The following TBCK variants were observed in gnomAD, a reference collection of about 807,000 sequenced individuals.
TBCK encodes the protein TBC1 domain containing kinase.
TBCK carries 99 observed loss-of-function variants against 113.4 expected under a neutral mutation model. The ratio of observed to expected loss-of-function variants is 0.87; its 90% CI spans 0.74 to 1.03. The LOEUF is 1.03. Among genes scored for constraint, TBCK ranks in the 50% least tolerant of loss-of-function variants. The pLI is 0.00. For missense variants in TBCK, 1,045 were observed against 1,061.3 expected, an observed-to-expected ratio of 0.98 and a Z score of 0.21; for synonymous variants, 369 against 370.8, an observed-to-expected ratio of 1.00 and a Z score of 0.05.
At chr4:106,065,796 G>A (rs1736576445) in intron 25 of TBCK, among the ~76,000 whole-genome samples, 1 of 152,008 alleles carries the variant, frequency 6.6e-6, no homozygotes, top group African/African-American at 2.4e-5. Flanking sequence ...AGGAATAACT[G>A]ACAAGTGGGA....
intron 1 of TBCK, among the ~76,000 whole-genome samples, chr4:106,314,816 G>T (rs1768596362): frequency 6.6e-6 from 1 of 151,464 alleles, no homozygotes; most frequent in Admixed American, 6.6e-5. Context: ...GTAGAGACGG[G>T]GTTTCACCAT....
chr4:106,231,696 C>A, intron 18 of TBCK, 33 bp downstream of exon 18: 1 of 1,572,484 alleles, frequency 6.4e-7, no homozygotes, highest in African/African-American at 1.4e-5. Flanking sequence ...GAATATTATG[C>A]GCAATGATTA....
At chr4:106,258,947 T>G (rs897091509) in intron 5 of TBCK, among the ~76,000 whole-genome samples, 9 of 151,932 alleles carry the variant, frequency 5.9e-5, no homozygotes, top group Non-Finnish European at 1.2e-4. Flanking sequence ...CAAGAATTGG[T>G]TTTTGCCTGT....
chr4:106,185,907 G>A (rs530143730), intron 22 of TBCK, among the ~76,000 whole-genome samples: 2 of 152,074 alleles, frequency 1.3e-5, no homozygotes, highest in South Asian at 2.1e-4. Flanking sequence ...AGTAGGCCCT[G>A]GTGTCTATTG....
At chr4:106,208,530 T>A (rs1755787719) in intron 20 of TBCK, among the ~76,000 whole-genome samples, 2 of 151,844 alleles carry the variant, frequency 1.3e-5, no homozygotes, top group African/African-American at 4.8e-5. Flanking sequence ...TTTTAGGTGG[T>A]GGGAAGACTA....
At chr4:106,125,177 A>T (rs1745030052) in intron 23 of TBCK, among the ~76,000 whole-genome samples, 1 of 152,146 alleles carries the variant, frequency 6.6e-6, no homozygotes, top group African/African-American at 2.4e-5. Context: ...GGTTCCTCAA[A>T]AAACTAAAAG....
chr4:106,122,258 TA>T (rs1264085020), intron 23 of TBCK, among the ~76,000 whole-genome samples: 2 of 151,960 alleles, frequency 1.3e-5, no homozygotes, highest in East Asian at 3.9e-4. Context: ...TCTACGCAAA[TA>T]AACTAGAAAA....
At chr4:106,067,295 C>T (rs1176588752) in intron 25 of TBCK, among the ~76,000 whole-genome samples, 1 of 152,104 alleles carries the variant, frequency 6.6e-6, no homozygotes, top group Non-Finnish European at 1.5e-5. Flanking sequence ...GAAATGTCTA[C>T]TCAAGTCTTT....
chr4:106,194,525 T>G (rs1007482953), intron 21 of TBCK, among the ~76,000 whole-genome samples, 193 bp downstream of exon 21: 2 of 152,186 alleles, frequency 1.3e-5, no homozygotes, highest in Non-Finnish European at 2.9e-5. Context: ...GTTTTTATTT[T>G]ATAGAATTCT....
intron 23 of TBCK, among the ~76,000 whole-genome samples, chr4:106,167,180 GTATA>G (rs56951945): frequency 7.0e-6 from 1 of 143,290 alleles, no homozygotes; most frequent in Non-Finnish European, 1.5e-5. Context: ...ATATAGAACT[GTATA>G]TATATATATA....
intron 23 of TBCK, among the ~76,000 whole-genome samples, chr4:106,126,642 G>GATGA (rs1413403527): frequency 5.3e-5 from 8 of 152,134 alleles, no homozygotes; most frequent in African/African-American, 1.9e-4. Flanking sequence ...ATGGATATTT[G>GATGA]ATGAATGAAT....
chr4:106,207,319 G>A, intron 20 of TBCK, among the ~76,000 whole-genome samples: 1 of 152,180 alleles, frequency 6.6e-6, no homozygotes, highest in Middle Eastern at 3.2e-3. Flanking sequence ...TACTGCAATG[G>A]AAGCCTGAAT....
chr4:106,236,717 T>C (rs772021458), intron 13 of TBCK, 42 bp downstream of exon 13: 9 of 1,199,876 alleles, frequency 7.5e-6, no homozygotes, highest in Non-Finnish European at 1.0e-5. Flanking sequence ...CTAATATAAA[T>C]AGAAAGAAAA....
At chr4:106,140,819 T>C (rs376234343) in intron 23 of TBCK, among the ~76,000 whole-genome samples, 4 of 139,652 alleles carry the variant, frequency 2.9e-5, no homozygotes, top group African/African-American at 1.0e-4. Context: ...AAATATACCC[T>C]TGACTTAAAC....
At chr4:106,311,928 G>A (rs1325919376) in intron 1 of TBCK, among the ~76,000 whole-genome samples, 1 of 152,044 alleles carries the variant, frequency 6.6e-6, no homozygotes, top group Non-Finnish European at 1.5e-5. Context: ...AATCTAAGAT[G>A]GAACATAGGC....
intron 25 of TBCK, among the ~76,000 whole-genome samples, chr4:106,086,901 C>T (rs772502866): frequency 1.3e-5 from 2 of 152,162 alleles, no homozygotes; most frequent in Non-Finnish European, 2.9e-5. Flanking sequence ...GTTAAAAACT[C>T]TCAATAAACT....
chr4:106,236,322 T>C, intron 14 of TBCK, 68 bp downstream of exon 14: 1 of 1,178,974 alleles, frequency 8.5e-7, no homozygotes, highest in Non-Finnish European at 1.1e-6. Context: ...TCCCTAAGAA[T>C]TATTGAAAAA....
chr4:106,203,824 TATAAA>T (rs1755156376), intron 20 of TBCK, among the ~76,000 whole-genome samples: 2 of 152,124 alleles, frequency 1.3e-5, no homozygotes, highest in Non-Finnish European at 1.5e-5. Context: ...AAAGAAAGAC[TATAAA>T]ACATGTTATG....
intron 19 of TBCK, among the ~76,000 whole-genome samples, chr4:106,217,910 A>G (rs1354786693): frequency 6.9e-6 from 1 of 145,440 alleles, no homozygotes; most frequent in South Asian, 2.3e-4. Flanking sequence ...CGCATCGCCA[A>G]GTCAATCCTA....
Sources: allele counts gnomAD v4.1 joint callset (sites outside exome capture counted in the v4.1 genomes callset), GRCh38; gene constraint gnomAD v4.1.1; transcripts MANE v1.5; gene names NCBI Gene and HGNC (gene_info 2026-07-23, HGNC 2026-07-21).